ITGA4: variants seen among roughly 807,000 people sequenced by gnomAD.
ITGA4 encodes integrin alpha-4.
A neutral mutation model predicts 133.6 loss-of-function variants in ITGA4; 63 were observed. That is an observed-to-expected ratio of 0.47 (90% confidence interval 0.38 to 0.58). The LOEUF (loss-of-function observed/expected upper bound fraction) is 0.58, where lower values mean the gene tolerates loss of function less well. Ranked by LOEUF, ITGA4 falls within the 20% of genes least tolerant of loss-of-function variation. ITGA4 has a pLI of 0.00. For synonymous variants in ITGA4, 483 were observed against 438.0 expected (o/e 1.10, Z -1.28); for missense variants, 1,076 against 1,252.7 (o/e 0.86, Z 2.13).
intron 17 of ITGA4, among the ~76,000 whole-genome samples, chr2:181,513,688 C>T (rs926421180): frequency 2.0e-5 from 3 of 152,084 alleles, no homozygotes; most frequent in Non-Finnish European, 4.4e-5. Flanking sequence ...ACCAATTCCC[C>T]AGGAAGTTTT....
Position 181,457,560 on chromosome 2 carries a change from C to T in ITGA4, c.-95C>T, listed in dbSNP as rs1365919679. ...TGGCGCCGGACACGCTGCGCCTCAT[C>T]TCTTGGGGCGTTCTTCCCCGTTGGC... is the stretch of plus-strand genomic sequence containing the variant. On this transcript the variant is annotated 5_prime_UTR_variant, in exon 1 of 28. Transcript: ENST00000397033. 4 of 1,157,900 alleles carry T rather than the reference C, an allele frequency of 3.5e-6. No homozygotes were observed. Among genetic ancestry groups the T allele is most frequent in the East Asian group, 2.6e-5 (1 of 38,918 alleles). 71.7% of individuals were successfully genotyped at this position (1,157,900 alleles called of 1,614,324 possible). A position where few individuals can be genotyped will look rare whatever the true frequency, so the allele number is the denominator to read the frequency against.
In ITGA4 at chr2:181,536,611, T is replaced by TTTAGCTGAAAGATACTGATTCAA. The variant is rs1687108840; in HGVS notation, c.*1087_*1109dup. ...AAATTCATAAATTTAAATTCATAAA[T>TTTAGCTGAAAGATACTGATTCAA]TTAGCTGAAAGATACTGATTCAATT... On this transcript the variant is annotated 3_prime_UTR_variant, in exon 28 of 28. Transcript: ENST00000397033. 1 of 162,970 alleles carries TTTAGCTGAAAGATACTGATTCAA rather than the reference T, an allele frequency of 6.1e-6. No homozygotes were observed. The highest frequency in any genetic ancestry group is 6.1e-5 in the Admixed American group (1 of 16,368). 10.1% of individuals were successfully genotyped at this position (162,970 alleles called of 1,614,324 possible).
chr2:181,524,412 A>C, intron 20 of ITGA4, 162 bp downstream of exon 20: 2 of 509,004 alleles, frequency 3.9e-6, no homozygotes, highest in Non-Finnish European at 6.8e-6. Context: ...AATGGGAGTT[A>C]CTGGCAATGT....
chr2:181,466,790 TAA>T lies in ITGA4; in HGVS notation c.320-8168_320-8167del, dbSNP rs573895972. On this transcript the variant is annotated intron_variant, in intron 2 of 27. Coordinates refer to ENST00000397033, the MANE Select transcript of ITGA4 (RefSeq NM_000885.6). Reference sequence around the variant, plus strand: ...TAAGGGGCCATTTTAATTAAAAAGCTAAAGACTGCTGATCAATTCTTGCAGCA... The same window carrying T: ...TAAGGGGCCATTTTAATTAAAAAGCTAGACTGCTGATCAATTCTTGCAGCA... 1.1e-4 allele frequency among the ~76,000 whole-genome samples: 16 copies of T among 152,280 alleles called. 1 individual carries two copies. The South Asian group carries it at 2.5e-3, about 24-fold the overall frequency.
chr2:181,526,554 C>A (rs1457670791), intron 21 of ITGA4, among the ~76,000 whole-genome samples: 1 of 151,976 alleles, frequency 6.6e-6, no homozygotes, highest in Non-Finnish European at 1.5e-5. Context: ...GACTTGTTCC[C>A]CAGATTTGGG....
intron 2 of ITGA4, among the ~76,000 whole-genome samples, chr2:181,469,904 G>A (rs896449123): frequency 3.3e-4 from 50 of 151,862 alleles, no homozygotes; most frequent in Admixed American, 2.0e-4. Context: ...ATCACACACC[G>A]GGGCCTGTCG....
Position 181,537,327 on chromosome 2 carries a change from C to T in ITGA4, c.*1800C>T. On this transcript the variant is annotated 3_prime_UTR_variant, in exon 28 of 28. Coordinates refer to ENST00000397033, the MANE Select transcript of ITGA4 (RefSeq NM_000885.6). ...ATCTGAGCACAGTGAAAGCAGAGTA[C>T]TATGGTTGTCCAACACAGGCCTCTC... The T allele has an allele frequency of 2.2e-6, 1 of 453,768 alleles. No homozygotes were observed. Among genetic ancestry groups the T allele is most frequent in the Non-Finnish European group, 4.4e-6 (1 of 226,702 alleles). 28.1% of individuals were successfully genotyped at this position (453,768 alleles called of 1,614,324 possible). A position where few individuals can be genotyped will look rare whatever the true frequency, so the allele number is the denominator to read the frequency against.
intron 27 of ITGA4, among the ~76,000 whole-genome samples, 156 bp downstream of exon 27, chr2:181,535,091 AGTC>A (rs1687032061): frequency 6.6e-6 from 1 of 151,734 alleles, no homozygotes; most frequent in African/African-American, 2.4e-5. Context: ...TCAACACCAA[AGTC>A]TTTCTAGAAA....
chr2:181,484,839 A>G (rs766280847), intron 9 of ITGA4, among the ~76,000 whole-genome samples: 1 of 152,242 alleles, frequency 6.6e-6, no homozygotes, highest in Non-Finnish European at 1.5e-5. Context: ...TGTTTGAGAA[A>G]GACAAAAATC....
chr2:181,497,735 T>C (rs562041094), intron 14 of ITGA4, among the ~76,000 whole-genome samples: 2 of 152,284 alleles, frequency 1.3e-5, no homozygotes, highest in Admixed American at 6.5e-5. Flanking sequence ...TTATGAATTA[T>C]TGCCTCTATG....
At chr2:181,506,161 T>C (rs950367450) in intron 15 of ITGA4, among the ~76,000 whole-genome samples, 1 of 152,136 alleles carries the variant, frequency 6.6e-6, no homozygotes, top group African/African-American at 2.4e-5. Flanking sequence ...TTCCTTGTTC[T>C]ATAACTAATT....
Position 181,536,838 on chromosome 2 carries a change from G to A in ITGA4, c.*1311G>A, listed in dbSNP as rs769758552. ...GCAGAATATCATTTTATCTGACTCT[G>A]CCTTCATAAGAGAGCTGTGGCCGAA... On this transcript the variant is annotated 3_prime_UTR_variant, in exon 28 of 28. Transcript: ENST00000397033. The A allele has an allele frequency of 5.2e-6, 2 of 386,428 alleles. No homozygotes were observed. The highest frequency in any genetic ancestry group is 2.1e-5 in the African/African-American group (1 of 47,992). 23.9% of individuals were successfully genotyped at this position (386,428 alleles called of 1,614,324 possible).
At chr2:181,491,735 C>T (rs532796074) in intron 10 of ITGA4, among the ~76,000 whole-genome samples, 2 of 152,248 alleles carry the variant, frequency 1.3e-5, no homozygotes, top group Non-Finnish European at 2.9e-5. Context: ...TTTCCCCACT[C>T]CTTCTTCTCA....
chr2:181,470,015 G>A (rs1044001508), intron 2 of ITGA4, among the ~76,000 whole-genome samples: 1 of 151,918 alleles, frequency 6.6e-6, no homozygotes, highest in African/African-American at 2.4e-5. Flanking sequence ...GTATACATAT[G>A]TAACAAACCT....
At chr2:181,471,239 T>G (rs1216756335) in intron 2 of ITGA4, among the ~76,000 whole-genome samples, 2 of 152,184 alleles carry the variant, frequency 1.3e-5, no homozygotes, top group Non-Finnish European at 2.9e-5. Context: ...CAAACCATAA[T>G]AGAAGCTTTG....
rs565744886 is a variant in ITGA4, at chr2:181,491,868, T to A, written c.1154-1457T>A. 1.6e-4 allele frequency among the ~76,000 whole-genome samples: 25 copies of A among 152,374 alleles called. No individual in the cohort carries two copies. In the South Asian group the frequency reaches 1.9e-3, roughly 11 times the overall value. ...TCCAAACCAATTGCCATTCTTCACA[T>A]GTGCCATGCTGCCTATTGCTTCCCT... On this transcript the variant is annotated intron_variant, in intron 10 of 27. Transcript: ENST00000397033.
intron 2 of ITGA4, among the ~76,000 whole-genome samples, chr2:181,462,147 C>T (rs1253094335): frequency 2.6e-5 from 4 of 152,072 alleles, no homozygotes; most frequent in African/African-American, 9.7e-5. Context: ...GTAAAAATAA[C>T]GCTATCTCTT....
At position 181,457,846 on chromosome 2, in the gene ITGA4, C is replaced by T. The variant is rs368652793; in HGVS notation, c.192C>T (p.Asn64=). Residue 64 remains asparagine (N), a synonymous_variant, in exon 1 of 28, where the codon AAC becomes AAT. Coordinates refer to ENST00000397033, the MANE Select transcript of ITGA4 (RefSeq NM_000885.6). ...TCGTGCTGCACAGCCACGGGGCGAA[C>T]CGATGGTGAGTAGAGTTGGACTGAT... ...YSVVLHSHGA[N]RWLLVGAPTA... 25 of 1,611,056 alleles carry T rather than the reference C, an allele frequency of 1.6e-5. No individual in the cohort carries two copies. In the African/African-American group the frequency reaches 3.3e-4, roughly 22 times the overall value.
At chr2:181,514,458 A>T (rs1003486387) in intron 17 of ITGA4, among the ~76,000 whole-genome samples, 1 of 152,084 alleles carries the variant, frequency 6.6e-6, no homozygotes, top group Non-Finnish European at 1.5e-5. Flanking sequence ...TGGATTTTAT[A>T]CTTAAATTAC....
Sources: gnomAD v4.1 joint callset for allele counts (sites outside exome capture counted in the v4.1 genomes callset) on GRCh38, gnomAD v4.1.1 for gene constraint, MANE v1.5 for transcripts, NCBI Gene and HGNC (gene_info 2026-07-23, HGNC 2026-07-21) for gene names.